Variants in ELMO1 observed in about 807,000 individuals in gnomAD.
The protein encoded by ELMO1 is engulfment and cell motility protein 1.
A neutral mutation model predicts 98.9 loss-of-function variants in ELMO1; 26 were observed. The ratio of observed to expected loss-of-function variants is 0.26; its 90% CI spans 0.19 to 0.36. The LOEUF is 0.36. ELMO1 is among the 10% of genes least tolerant of loss of function. The pLI is 1.00. For synonymous variants in ELMO1, 346 were observed against 346.0 expected (o/e 1.00, Z 0.00); for missense variants, 627 against 935.2 (o/e 0.67, Z 4.30).
At chr7:36,965,256 G>T (rs1294959600) in intron 16 of ELMO1, among the ~76,000 whole-genome samples, 1 of 152,152 alleles carries the variant, frequency 6.6e-6, no homozygotes, top group Non-Finnish European at 1.5e-5. Flanking sequence ...CCTCCCTGAG[G>T]ACAGTCCCCT....
intron 13 of ELMO1, among the ~76,000 whole-genome samples, chr7:37,180,831 CAT>C (rs1554435959): frequency 4.6e-5 from 7 of 151,748 alleles, no homozygotes; most frequent in East Asian, 3.9e-4. Context: ...CACACACACA[CAT>C]GCACACGCAA....
chr7:37,338,988 G>T (rs932109404), intron 2 of ELMO1, among the ~76,000 whole-genome samples: 1 of 152,202 alleles, frequency 6.6e-6, no homozygotes, highest in Admixed American at 6.5e-5. Flanking sequence ...AGGCACTGAT[G>T]GAGGGTGGCT....
chr7:37,358,648 G>A (rs989513941), intron 1 of ELMO1, among the ~76,000 whole-genome samples: 1 of 152,078 alleles, frequency 6.6e-6, no homozygotes. Context: ...ACTTTTCTCA[G>A]CCTTTCAAAT....
intron 15 of ELMO1, among the ~76,000 whole-genome samples, chr7:37,045,811 A>C (rs572650412): frequency 2.0e-5 from 3 of 152,320 alleles, no homozygotes; most frequent in African/African-American, 7.2e-5. Flanking sequence ...AATGCTTCAG[A>C]GTTAACAAAG....
chr7:37,156,167 T>A (rs1050230933), intron 13 of ELMO1, among the ~76,000 whole-genome samples: 3 of 152,124 alleles, frequency 2.0e-5, no homozygotes, highest in African/African-American at 7.2e-5. Flanking sequence ...TGGGACACAT[T>A]TAAAGCAGTG....
intron 6 of ELMO1, among the ~76,000 whole-genome samples, chr7:37,247,625 C>T (rs1795081661): frequency 6.6e-6 from 1 of 152,172 alleles, no homozygotes; most frequent in Non-Finnish European, 1.5e-5. Flanking sequence ...ACCCAAATTA[C>T]AGGGTATTCT....
At position 37,186,187 on chromosome 7, in the gene ELMO1, A is replaced by G. The variant is rs540609301; in HGVS notation, c.1086+25199T>C. 2.2e-4 allele frequency among the ~76,000 whole-genome samples: 33 copies of G among 152,342 alleles called. No homozygotes were observed. The South Asian group carries it at 6.6e-3, about 31-fold the overall frequency. On this transcript the variant is annotated intron_variant, in intron 13 of 21. Transcript: ENST00000310758. ...ATTTATAGTCAATTGATTTTTGACA[A>G]AAGTGTCAAGAAAATTCAATGAAGA...
chr7:37,314,453 TC>T (rs1022875769), intron 4 of ELMO1, among the ~76,000 whole-genome samples: 77 of 152,260 alleles, frequency 5.1e-4, no homozygotes, highest in African/African-American at 1.8e-3. Flanking sequence ...CATACATAAT[TC>T]CACATTTGAA....
At chr7:36,902,710 T>C (rs1448743606) in intron 16 of ELMO1, among the ~76,000 whole-genome samples, 1 of 152,200 alleles carries the variant, frequency 6.6e-6, no homozygotes, top group African/African-American at 2.4e-5. Flanking sequence ...CTTTGGTAAG[T>C]GATGGCAAGT....
intron 1 of ELMO1, among the ~76,000 whole-genome samples, chr7:37,352,216 C>T (rs2700984): frequency 0.37 from 56,537 of 152,026 alleles, 11,002 homozygotes; most frequent in Middle Eastern, 0.47. Context: ...ATACGGAACC[C>T]AGCCAGAATG....
chr7:36,953,463 C>A (rs1310718238), intron 16 of ELMO1, among the ~76,000 whole-genome samples: 1 of 152,052 alleles, frequency 6.6e-6, no homozygotes, highest in Admixed American at 6.5e-5. Flanking sequence ...AATAGATAAG[C>A]AATATTTTAA....
chr7:37,130,657 A>G (rs1466483339), intron 14 of ELMO1, among the ~76,000 whole-genome samples: 2 of 152,196 alleles, frequency 1.3e-5, no homozygotes, highest in East Asian at 3.9e-4. Flanking sequence ...CACAGGGCAA[A>G]AAACAACTTG....
intron 1 of ELMO1, among the ~76,000 whole-genome samples, chr7:37,430,617 G>A (rs377502605): frequency 1.3e-5 from 2 of 152,188 alleles, no homozygotes; most frequent in African/African-American, 2.4e-5. Context: ...TGAGCTCACC[G>A]GTGTCTCCTA....
intron 20 of ELMO1, 60 bp from the exon 21 acceptor site, chr7:36,861,796 T>G: frequency 6.7e-7 from 1 of 1,493,278 alleles, no homozygotes; most frequent in Non-Finnish European, 9.3e-7. Context: ...ATTTTGCAGT[T>G]GCAAATGGCT....
chr7:37,016,531 A>ATC (rs1793943998), intron 15 of ELMO1, among the ~76,000 whole-genome samples: 1 of 152,082 alleles, frequency 6.6e-6, no homozygotes, highest in Non-Finnish European at 1.5e-5. Flanking sequence ...TGCTTTGAAA[A>ATC]TTAATTCCTC....
At chr7:36,983,247 T>C (rs74988840) in intron 16 of ELMO1, among the ~76,000 whole-genome samples, 2,723 of 152,274 alleles carry the variant, frequency 0.018, 83 homozygotes, top group African/African-American at 0.063. Context: ...AGATGGTGCA[T>C]CACACAGTAA....
At chr7:36,899,692 T>C (rs2129058064) in intron 16 of ELMO1, among the ~76,000 whole-genome samples, 1 of 137,796 alleles carries the variant, frequency 7.3e-6, no homozygotes, top group African/African-American at 2.7e-5. Context: ...ATCTTTTTTT[T>C]TTTTTTTTAC....
At position 37,146,532 on chromosome 7, in the gene ELMO1, A is replaced by C. The variant is rs570416642; in HGVS notation, c.1087-13298T>G. Among the ~76,000 whole-genome samples, 13 of 152,174 alleles carry C rather than the reference A, an allele frequency of 8.5e-5. No individual in the cohort carries two copies. In the South Asian group the frequency reaches 2.7e-3, roughly 32 times the overall value. On this transcript the variant is annotated intron_variant, in intron 13 of 21. Coordinates refer to ENST00000310758, the MANE Select transcript of ELMO1 (RefSeq NM_014800.11). Reference sequence around the variant, plus strand: ...CATTCTTTGAGTTGACATGGGCCCCACCACTCTCTCCTCACCTGGTTGCTT... The same window carrying C: ...CATTCTTTGAGTTGACATGGGCCCCCCCACTCTCTCCTCACCTGGTTGCTT...
intron 15 of ELMO1, among the ~76,000 whole-genome samples, chr7:37,046,722 C>T (rs1227112570): frequency 6.6e-6 from 1 of 152,156 alleles, no homozygotes; most frequent in Non-Finnish European, 1.5e-5. Flanking sequence ...CAATGTGTAT[C>T]TTGCATCAGA....
Sources: allele counts gnomAD v4.1 joint callset (sites outside exome capture counted in the v4.1 genomes callset), GRCh38; gene constraint gnomAD v4.1.1; transcripts MANE v1.5; gene names NCBI Gene and HGNC (gene_info 2026-07-23, HGNC 2026-07-21).